PYGB: variants seen among roughly 807,000 people sequenced by gnomAD.
The protein encoded by PYGB is glycogen phosphorylase, brain form.
A neutral mutation model predicts 94.3 loss-of-function variants in PYGB; 82 were observed. The ratio of observed to expected loss-of-function variants is 0.87; its 90% CI spans 0.73 to 1.04. The LOEUF (loss-of-function observed/expected upper bound fraction) is 1.04, where lower values mean the gene tolerates loss of function less well. Ranked by LOEUF, PYGB falls within the 50% of genes least tolerant of loss-of-function variation. The pLI, the probability that PYGB is intolerant of heterozygous loss-of-function variation, is 0.00. For missense variants in PYGB, 1,132 were observed against 1,158.2 expected (o/e 0.98, Z 0.33); for synonymous variants, 488 against 479.1 (o/e 1.02, Z -0.24).
At chr20:25,272,101 A>G (rs1214475234) in intron 4 of PYGB, among the ~76,000 whole-genome samples, 1 of 151,842 alleles carries the variant, frequency 6.6e-6, no homozygotes, top group Non-Finnish European at 1.5e-5. Context: ...TTAAAATGCA[A>G]CCTCCTCCTC....
intron 12 of PYGB, 70 bp downstream of exon 12, chr20:25,282,217 C>G: frequency 7.7e-7 from 1 of 1,306,226 alleles, no homozygotes; most frequent in Non-Finnish European, 1.1e-6. Flanking sequence ...GTCATCAGCC[C>G]CTGCTGAGCG....
At chr20:25,286,606 C>T (rs2123588543) in intron 14 of PYGB, among the ~76,000 whole-genome samples, 1 of 152,324 alleles carries the variant, frequency 6.6e-6, no homozygotes, top group South Asian at 2.1e-4. Flanking sequence ...CAAGGCAGCT[C>T]CTCTGCTGGG....
intron 16 of PYGB, among the ~76,000 whole-genome samples, chr20:25,292,113 T>G (rs1300085898): frequency 2.0e-5 from 3 of 152,222 alleles, no homozygotes; most frequent in African/African-American, 7.2e-5. Context: ...AGGCCTGGTT[T>G]TGGGGAAGGT....
rs777481631 is a variant in PYGB, at chr20:25,289,929, G to A, written c.1828-552G>A. 4 of 533,400 alleles carry A rather than the reference G, an allele frequency of 7.5e-6. 1 individual carries two copies. The highest frequency in any genetic ancestry group is 2.8e-5 in the South Asian group (2 of 71,592). 33.0% of individuals were successfully genotyped at this position (533,400 alleles called of 1,614,324 possible). On this transcript the variant is annotated intron_variant, in intron 15 of 19. Coordinates refer to ENST00000216962, the MANE Select transcript of PYGB (RefSeq NM_002862.4). ...CCTCCGTGTCCTGAAATGTTCACTC[G>A]GGTACTTCATGGGTCCCCTGCCCAG...
Position 25,248,169 on chromosome 20 carries a change from C to T in PYGB, c.-10C>T, listed in dbSNP as rs764783343. 2 of 1,586,906 alleles carry T rather than the reference C, an allele frequency of 1.3e-6. No homozygotes were observed. Among genetic ancestry groups the T allele is most frequent in the Non-Finnish European group, 8.6e-7 (1 of 1,167,146 alleles). ...TCCTCCATCTCTTTTCCTCCGCCTC[C>T]GCCGGCGCGATGGCGAAGCCGCTGA... On this transcript the variant is annotated 5_prime_UTR_variant, in exon 1 of 20. Coordinates refer to ENST00000216962, the MANE Select transcript of PYGB (RefSeq NM_002862.4).
At chr20:25,281,494 C>G (rs2088366874) in intron 11 of PYGB, among the ~76,000 whole-genome samples, 1 of 152,232 alleles carries the variant, frequency 6.6e-6, no homozygotes, top group Non-Finnish European at 1.5e-5. Flanking sequence ...CTTGTTCTTG[C>G]CCCTCTTAGG....
chr20:25,290,469 C>A lies in PYGB; in HGVS notation c.1828-12C>A. 6.2e-7 allele frequency: 1 copy of A among 1,601,150 alleles called. No individual in the cohort carries two copies. Among genetic ancestry groups the A allele is most frequent in the Non-Finnish European group, 8.6e-7 (1 of 1,168,836 alleles). ...CATTTTTGTGCTAAAAACCTTCACC[C>A]TCTCCTTCCAGGCAGCGCCCGGTTA... On this transcript the variant is annotated splice_polypyrimidine_tract_variant and intron_variant, in intron 15 of 19. Coordinates refer to ENST00000216962, the MANE Select transcript of PYGB (RefSeq NM_002862.4).
intron 14 of PYGB, 77 bp downstream of exon 14, chr20:25,284,328 C>G: frequency 6.5e-7 from 1 of 1,541,382 alleles, no homozygotes; most frequent in South Asian, 1.2e-5. Flanking sequence ...TGCACAGACC[C>G]TGGGCCTCTG....
Position 25,296,752 on chromosome 20 carries a change from G to C in PYGB, c.*230G>C. ...AGGAAGCCAGAGTTGACAGTACAAA[G>C]GGTCGTGGCCAGCCCTGCAGCTTCA... is the stretch of plus-strand genomic sequence containing the variant. On this transcript the variant is annotated 3_prime_UTR_variant, in exon 20 of 20. Transcript: ENST00000216962. The C allele has an allele frequency of 3.4e-6, 2 of 587,450 alleles. No individual in the cohort carries two copies. Among genetic ancestry groups the C allele is most frequent in the East Asian group, 6.6e-5 (2 of 30,142 alleles). 36.4% of individuals were successfully genotyped at this position (587,450 alleles called of 1,614,324 possible).
chr20:25,268,653 G>GC (rs1568687801), intron 2 of PYGB, among the ~76,000 whole-genome samples: 1 of 152,184 alleles, frequency 6.6e-6, no homozygotes, highest in Non-Finnish European at 1.5e-5. Context: ...TTATCCATAT[G>GC]CCATAATGAG....
At chr20:25,293,973 G>A (rs563076648) in intron 17 of PYGB, 185 bp from the exon 18 acceptor site, 11 of 673,834 alleles carry the variant, frequency 1.6e-5, no homozygotes, top group Non-Finnish European at 2.5e-5. Flanking sequence ...ATCTCTGCTC[G>A]AGCAGGTCCC....
chr20:25,292,760 A>AG (rs73621608), intron 17 of PYGB, 147 bp downstream of exon 17: 39,071 of 1,107,094 alleles, frequency 0.035, 907 homozygotes, highest in East Asian at 0.075. Context: ...GCCTGCCTGC[A>AG]GGGGTGACCA....
At chr20:25,248,516 G>C (rs971836432) in intron 1 of PYGB, 95 bp downstream of exon 1, 25 of 1,241,474 alleles carry the variant, frequency 2.0e-5, no homozygotes, top group Non-Finnish European at 2.4e-5. Context: ...CGGCCCGTCG[G>C]GCGTTACCTG....
intron 15 of PYGB, 34 bp from the exon 16 acceptor site, chr20:25,290,447 T>C (rs1380931382): frequency 6.3e-7 from 1 of 1,592,944 alleles, no homozygotes; most frequent in Non-Finnish European, 8.6e-7. Context: ...AACAAGGCAT[T>C]TTTGTGCTAA....
At position 25,295,669 on chromosome 20, in the gene PYGB, G is replaced by A. The variant is rs200414727; in HGVS notation, c.2378G>A (p.Arg793Gln). 8.1e-6 allele frequency: 13 copies of A among 1,612,832 alleles called. No homozygotes were observed. Among genetic ancestry groups the A allele is most frequent in the African/African-American group, 8.0e-5 (6 of 74,920 alleles). Residue 793 changes from arginine to glutamine, a missense_variant and splice_region_variant, in exon 19 of 20, where the codon CGG becomes CAG. Arg to Gln is a conservative substitution (Grantham distance 43). Coordinates refer to ENST00000216962, the MANE Select transcript of PYGB (RefSeq NM_002862.4). Reference sequence around the variant, plus strand: ...CAGGCACAGGTGGACCAGCTGTACCGGGTGAGGCTCCTGGGTCCAGAGGCT... The same window carrying A: ...CAGGCACAGGTGGACCAGCTGTACCAGGTGAGGCTCCTGGGTCCAGAGGCT... Reference protein sequence around the residue: ...QCQAQVDQLYRNPKEWTKKVI... With the variant: ...QCQAQVDQLYQNPKEWTKKVI...
intron 1 of PYGB, among the ~76,000 whole-genome samples, chr20:25,250,288 C>T (rs6050487): frequency 2.0e-5 from 3 of 152,104 alleles, no homozygotes; most frequent in South Asian, 2.1e-4. Context: ...TGTATAATCA[C>T]ATCCTGGAGA....
chr20:25,253,378 G>A (rs148890254), intron 1 of PYGB, among the ~76,000 whole-genome samples: 74 of 152,302 alleles, frequency 4.9e-4, no homozygotes, highest in East Asian at 4.8e-3. Flanking sequence ...ATGGCCGGGC[G>A]TGGTGACTCA....
intron 3 of PYGB, 98 bp downstream of exon 3, chr20:25,269,305 A>G (rs991722104): frequency 2.0e-5 from 20 of 992,006 alleles, no homozygotes; most frequent in Non-Finnish European, 2.4e-5. Flanking sequence ...CTCAGGGTAA[A>G]TTGGCTTTGA....
At chr20:25,295,053 A>T in intron 18 of PYGB, 2 of 1,613,026 alleles carry the variant, frequency 1.2e-6, no homozygotes, top group Non-Finnish European at 1.7e-6. Flanking sequence ...AAGTGCTTTT[A>T]AAATTGTGAA....
Sources: gnomAD v4.1 joint callset for allele counts (sites outside exome capture counted in the v4.1 genomes callset) on GRCh38, gnomAD v4.1.1 for gene constraint, MANE v1.5 for transcripts, NCBI Gene and HGNC (gene_info 2026-07-23, HGNC 2026-07-21) for gene names.